Variants in ZNF862 observed in about 807,000 individuals in gnomAD.
The protein encoded by ZNF862 is zinc finger protein 862.
ZNF862 carries 64 observed loss-of-function variants against 91.1 expected under a neutral mutation model. The observed-to-expected ratio is 0.70, with a 90% confidence interval of 0.57 to 0.87. The LOEUF is 0.87. Ranked by LOEUF, ZNF862 falls within the 40% of genes least tolerant of loss-of-function variation. The pLI is 0.00. For synonymous variants in ZNF862, 631 were observed against 618.1 expected (o/e 1.02, Z -0.31); for missense variants, 1,459 against 1,528.0 (o/e 0.95, Z 0.75).
chr7:149,841,375 A>G (rs1801697834), intron 1 of ZNF862: 3 of 985,330 alleles, frequency 3.0e-6, no homozygotes, highest in Non-Finnish European at 3.6e-6. Context: ...TGACAGAATA[A>G]TGGATAAGGG....
In ZNF862 at chr7:149,861,985, C is replaced by G. The variant is rs775268377; in HGVS notation, c.2825C>G (p.Pro942Arg). 3 of 1,613,870 alleles carry G rather than the reference C, an allele frequency of 1.9e-6. No individual in the cohort carries two copies. Among genetic ancestry groups the G allele is most frequent in the Non-Finnish European group, 2.5e-6 (3 of 1,179,882 alleles). The stretch of plus-strand genomic sequence containing the variant: ...CAGAGGTTTGACGCAGACCGACCCC[C>G]ACAGCTGAAGAACATGGAGGTGTTT... ...LQQRFDADRP[P>R]QLKNMEVFDT... The change falls in exon 7 of 8, where the codon CCA becomes CGA. Residue 942 changes from proline (P) to arginine (R), a missense_variant. By Grantham distance (103) the Pro-to-Arg change is moderately radical. Coordinates refer to ENST00000223210, the MANE Select transcript of ZNF862 (RefSeq NM_001099220.3). The surrounding 1 kb of genome is among the most constrained non-coding windows in gnomAD (Gnocchi z 6.7).
Position 149,862,269 on chromosome 7 carries a change from T to C in ZNF862, c.3109T>C (p.Ser1037Pro). 1 of 1,613,756 alleles carries C rather than the reference T, an allele frequency of 6.2e-7. No homozygotes were observed. The highest frequency in any genetic ancestry group is 8.5e-7 in the Non-Finnish European group (1 of 1,179,832). Residue 1037 changes from serine (S) to proline (P), a missense_variant, in exon 7 of 8, where the codon TCT (serine) becomes CCT (proline). By Grantham distance (74) the Ser-to-Pro change is moderately conservative (BLOSUM62 -1). Transcript: ENST00000223210. ...AVVVCVPIST[S>P]CCERGFKAMN... The stretch of plus-strand genomic sequence containing the variant: ...GGTGGTCTGTGTGCCCATCTCCACC[T>C]CTTGCTGTGAGCGGGGGTTCAAGGC...
chr7:149,843,905 G>C (rs1163182446), intron 1 of ZNF862, among the ~76,000 whole-genome samples: 2 of 152,174 alleles, frequency 1.3e-5, no homozygotes, highest in African/African-American at 2.4e-5. Flanking sequence ...GTGAGGGTTT[G>C]ATTTTCTTGG....
In ZNF862 at chr7:149,847,852, G is replaced by A. The variant is rs1801926260; in HGVS notation, c.359G>A (p.Gly120Glu). The A allele has an allele frequency of 3.1e-6, 5 of 1,613,184 alleles. No individual in the cohort carries two copies. The highest frequency in any genetic ancestry group is 4.2e-6 in the Non-Finnish European group (5 of 1,179,640). Reference sequence around the variant, plus strand: ...CTTTCCCACCTCAGTACAGGCAGTGGACACATCGAGGGAGACTGGGCCGGA... The same window carrying A: ...CTTTCCCACCTCAGTACAGGCAGTGAACACATCGAGGGAGACTGGGCCGGA... Reference protein sequence around the residue: ...AYLSHLSTGSGHIEGDWAGRN... With the variant: ...AYLSHLSTGSEHIEGDWAGRN... The change falls in exon 4 of 8, where the codon GGA (glycine) becomes GAA (glutamate). Residue 120 changes from glycine to glutamate, a missense_variant. Physicochemically the swap from Gly to Glu is moderately conservative, Grantham distance 98 (BLOSUM62 -2). Coordinates refer to ENST00000223210, the MANE Select transcript of ZNF862 (RefSeq NM_001099220.3).
In ZNF862 at chr7:149,838,626, G is replaced by T; in HGVS notation, c.15G>T (p.Glu5Asp). 1 of 1,228,530 alleles carries T rather than the reference G, an allele frequency of 8.1e-7. No homozygotes were observed. The allele number at this position is 1,228,530 out of a possible 1,614,324, so 76.1% of individuals were successfully genotyped here. A position where few individuals can be genotyped will look rare whatever the true frequency, so the allele number is the denominator to read the frequency against. Residue 5 changes from glutamate (E) to aspartate (D), a missense_variant, in exon 1 of 8, where the codon GAG becomes GAT. Physicochemically the swap from Glu to Asp is conservative, Grantham distance 45. Transcript: ENST00000223210. Reference protein sequence around the residue: MEPRESGKAPVTFDD... With the variant: MEPRDSGKAPVTFDD... ...AAAGCGGGGCCATGGAGCCCAGAGAGTCGGGGAAGGTAGGACTGGAAGGCC... is the reference window on the plus strand; with the variant it reads ...AAAGCGGGGCCATGGAGCCCAGAGATTCGGGGAAGGTAGGACTGGAAGGCC...
At chr7:149,841,196 C>G (rs550069044) in intron 1 of ZNF862, 4 of 985,260 alleles carry the variant, frequency 4.1e-6, no homozygotes, top group Admixed American at 1.2e-4. Context: ...AACTCCACTC[C>G]GAACAGCATT....
intron 2 of ZNF862, 22 bp downstream of exon 2, chr7:149,844,758 C>T (rs1189822760): frequency 6.8e-7 from 1 of 1,466,524 alleles, no homozygotes. Flanking sequence ...CATCCACATC[C>T]CTGCCACTGT....
intron 5 of ZNF862, among the ~76,000 whole-genome samples, chr7:149,851,352 G>A (rs182990342): frequency 9.9e-5 from 15 of 152,276 alleles, no homozygotes; most frequent in African/African-American, 2.2e-4. Context: ...GTCATTGTTC[G>A]TAATTTTTAA....
intron 7 of ZNF862, 61 bp downstream of exon 7, chr7:149,862,555 A>T: frequency 6.7e-7 from 1 of 1,490,400 alleles, no homozygotes; most frequent in South Asian, 1.3e-5. Context: ...GGCCAATAAG[A>T]CAGGACTGCA....
chr7:149,844,686 G>T lies in ZNF862; in HGVS notation c.86G>T (p.Ser29Ile), dbSNP rs746043141. The T allele has an allele frequency of 4.4e-6, 7 of 1,604,640 alleles. No individual in the cohort carries two copies. Residue 29 changes from serine to isoleucine, a missense_variant, in exon 2 of 8, where the codon AGC (serine) becomes ATC (isoleucine). Coordinates refer to ENST00000223210, the MANE Select transcript of ZNF862 (RefSeq NM_001099220.3). ...YLLQEEWVLLSQQQKELCGSN... is the reference protein window; with the variant it reads ...YLLQEEWVLLIQQQKELCGSN... ...CTCCAGGAGGAATGGGTGCTGCTGA[G>T]CCAGCAACAGAAGGAGCTCTGTGGT...
rs1339801013 is a variant in ZNF862, at chr7:149,860,925, A to G, written c.1765A>G (p.Ile589Val). ...GCTCCTCCAAAGCACGGGGACCGTG[A>G]TATTAGGCAAGTACCGCAATCGCAC... Reference protein sequence around the residue: ...LQLLQSTGTVILGKYRNRTAC... With the variant: ...LQLLQSTGTVVLGKYRNRTAC... Residue 589 changes from isoleucine to valine, a missense_variant, in exon 7 of 8, where the codon ATA (isoleucine) becomes GTA (valine). Transcript: ENST00000223210. 1 of 1,613,718 alleles carries G rather than the reference A, an allele frequency of 6.2e-7. No individual in the cohort carries two copies. Among genetic ancestry groups the G allele is most frequent in the African/African-American group, 1.3e-5 (1 of 74,918 alleles).
intron 1 of ZNF862, among the ~76,000 whole-genome samples, chr7:149,842,309 TAGAA>T (rs764144627): frequency 6.6e-6 from 1 of 152,156 alleles, no homozygotes; most frequent in Non-Finnish European, 1.5e-5. Context: ...GAGCTAAAGT[TAGAA>T]AGTGGGTTAG....
Position 149,867,194 on chromosome 7 carries a change from G to A in ZNF862, c.*2910G>A, listed in dbSNP as rs1159549135. The A allele has an allele frequency of 6.6e-6, 1 of 152,188 alleles. No homozygotes were observed. Among genetic ancestry groups the A allele is most frequent in the Non-Finnish European group, 1.5e-5 (1 of 68,064 alleles). The allele number at this position is 152,188 out of a possible 1,614,324, so 9.4% of individuals were successfully genotyped here. ...CCATAGCGACTCCAGGTGGGAGTGA[G>A]GGAGCCCAGCCCCCTGTCCTGGAAG... On this transcript the variant is annotated 3_prime_UTR_variant, in exon 8 of 8. Coordinates refer to ENST00000223210, the MANE Select transcript of ZNF862 (RefSeq NM_001099220.3).
chr7:149,847,697 G>A, intron 3 of ZNF862, 38 bp from the exon 4 acceptor site: 1 of 1,520,580 alleles, frequency 6.6e-7, no homozygotes, highest in Non-Finnish European at 8.9e-7. Context: ...TCTAACTATA[G>A]GATTTTAAAG....
At chr7:149,859,983 T>G (rs1182530941) in intron 6 of ZNF862, 3 of 257,248 alleles carry the variant, frequency 1.2e-5, no homozygotes, top group Non-Finnish European at 2.2e-5. Flanking sequence ...TTCTGAGGCT[T>G]GTAAAAGCCT....
chr7:149,848,485 G>C, intron 4 of ZNF862, 53 bp downstream of exon 4: 2 of 1,354,664 alleles, frequency 1.5e-6, no homozygotes, highest in Non-Finnish European at 2.0e-6. Flanking sequence ...TCTATACTGA[G>C]AACGATGTAT....
In ZNF862 at chr7:149,864,105, A is replaced by G. The variant is rs745415500; in HGVS notation, c.3335-4A>G. The stretch of plus-strand genomic sequence containing the variant: ...CTAATTGTATTCTCCTTCCTCCCTC[A>G]CAGGCGCCAGGCTCAGGAAGGAGGA... On this transcript the variant is annotated splice_region_variant and splice_polypyrimidine_tract_variant and intron_variant, in intron 7 of 7. Coordinates refer to ENST00000223210, the MANE Select transcript of ZNF862 (RefSeq NM_001099220.3). 4 of 1,571,430 alleles carry G rather than the reference A, an allele frequency of 2.5e-6. No individual in the cohort carries two copies. The highest frequency in any genetic ancestry group is 4.7e-5 in the East Asian group (2 of 42,624).
In ZNF862 at chr7:149,848,282, T is replaced by G; in HGVS notation, c.789T>G (p.Ala263=). Residue 263 remains alanine (A), a synonymous_variant, in exon 4 of 8, where the codon GCT becomes GCG. Coordinates refer to ENST00000223210, the MANE Select transcript of ZNF862 (RefSeq NM_001099220.3). ...CTGAGCTCCTGCCAAGTTCAAGAGC[T>G]GAACTAGAGGACCCTGGGGGGGATG... ...SMAELLPSSR[A]ELEDPGGDGA... is the part of the protein sequence containing the mutation. The G allele has an allele frequency of 6.2e-7, 1 of 1,611,316 alleles. No homozygotes were observed. The highest frequency in any genetic ancestry group is 8.5e-7 in the Non-Finnish European group (1 of 1,178,620).
At chr7:149,860,151 C>T in intron 6 of ZNF862, 2 of 545,532 alleles carry the variant, frequency 3.7e-6, no homozygotes, top group Non-Finnish European at 6.4e-6. Context: ...GGTTGGGGCG[C>T]TGGTGAAAGA....
Sources: allele counts gnomAD v4.1 joint callset (sites outside exome capture counted in the v4.1 genomes callset), GRCh38; gene constraint gnomAD v4.1.1; non-coding constraint Gnocchi (gnomAD v3.1); transcripts MANE v1.5; gene names NCBI Gene and HGNC (gene_info 2026-07-23, HGNC 2026-07-21).